ATG10: variants seen among roughly 807,000 people sequenced by gnomAD.
The protein encoded by ATG10 is ubiquitin-like-conjugating enzyme ATG10.
Under a neutral mutation model 32.1 loss-of-function variants are expected in ATG10, and 30 were observed. That is an observed-to-expected ratio of 0.94 (90% CI 0.70 to 1.27). The LOEUF is 1.27. ATG10 is among the 50% of genes most tolerant of loss of function. ATG10 has a pLI of 0.00. For synonymous variants in ATG10, 87 were observed against 91.5 expected, an observed-to-expected ratio of 0.95 and a Z score of 0.28; for missense variants, 233 against 262.3, an observed-to-expected ratio of 0.89 and a Z score of 0.77.
chr5:82,103,308 A>G (rs1440349266), intron 3 of ATG10, among the ~76,000 whole-genome samples: 1 of 152,194 alleles, frequency 6.6e-6, no homozygotes, highest in Non-Finnish European at 1.5e-5. Context: ...ATACACATTG[A>G]TCAAAAATTG....
At chr5:82,071,734 TA>T (rs779226556) in intron 3 of ATG10, among the ~76,000 whole-genome samples, 10 of 152,232 alleles carry the variant, frequency 6.6e-5, no homozygotes, top group Non-Finnish European at 1.2e-4. Flanking sequence ...GTTGTGACTT[TA>T]GATTGGGCTG....
intron 5 of ATG10, among the ~76,000 whole-genome samples, chr5:82,206,467 GA>G (rs1362917635): frequency 3.9e-5 from 6 of 151,988 alleles, no homozygotes; most frequent in Non-Finnish European, 8.8e-5. Flanking sequence ...CTAACACGGT[GA>G]AACCCCGTCT....
At chr5:82,168,142 CT>C (rs775879592) in intron 4 of ATG10, among the ~76,000 whole-genome samples, 4 of 151,970 alleles carry the variant, frequency 2.6e-5, no homozygotes, top group Non-Finnish European at 4.4e-5. Context: ...ATGCCAAAGC[CT>C]TCTATCCATT....
intron 3 of ATG10, among the ~76,000 whole-genome samples, chr5:82,097,366 C>A (rs1020674571): frequency 2.0e-5 from 3 of 152,074 alleles, no homozygotes; most frequent in Non-Finnish European, 4.4e-5. Flanking sequence ...TTAATAAATT[C>A]TTTTCACAAT....
At chr5:82,008,770 A>C (rs1762050778) in intron 2 of ATG10, among the ~76,000 whole-genome samples, 1 of 152,204 alleles carries the variant, frequency 6.6e-6, no homozygotes, top group South Asian at 2.1e-4. Context: ...GCTGTCTCCC[A>C]AAAACAGACT....
intron 5 of ATG10, among the ~76,000 whole-genome samples, chr5:82,189,578 A>G (rs1454948556): frequency 6.6e-6 from 1 of 152,160 alleles, no homozygotes; most frequent in East Asian, 1.9e-4. Flanking sequence ...AATTCAGCCT[A>G]CAGATGCTAT....
chr5:82,047,959 G>T (rs111446324), intron 2 of ATG10, among the ~76,000 whole-genome samples: 1 of 151,266 alleles, frequency 6.6e-6, no homozygotes, highest in Non-Finnish European at 1.5e-5. Flanking sequence ...TCCCAGCACC[G>T]TTTATTAAAT....
intron 2 of ATG10, among the ~76,000 whole-genome samples, chr5:82,055,498 T>C (rs895071826): frequency 6.6e-6 from 1 of 152,164 alleles, no homozygotes; most frequent in Non-Finnish European, 1.5e-5. Context: ...TTTTGCATTG[T>C]TATTAGAATT....
At chr5:82,176,172 A>G (rs1328847492) in intron 4 of ATG10, among the ~76,000 whole-genome samples, 1 of 152,226 alleles carries the variant, frequency 6.6e-6, no homozygotes, top group Non-Finnish European at 1.5e-5. Context: ...CTTTATGGTA[A>G]TAGAAATAAA....
intron 2 of ATG10, among the ~76,000 whole-genome samples, chr5:82,053,424 T>A (rs953225866): frequency 3.3e-5 from 5 of 151,074 alleles, no homozygotes; most frequent in African/African-American, 4.9e-5. Flanking sequence ...CTACAAATGC[T>A]TTTTCACATT....
intron 3 of ATG10, among the ~76,000 whole-genome samples, chr5:82,139,336 C>T (rs541901449): frequency 2.7e-5 from 4 of 150,088 alleles, no homozygotes; most frequent in Admixed American, 2.6e-4. Context: ...CTCTGCCTGG[C>T]TGCCCAGTCT....
Position 82,113,397 on chromosome 5 carries a change from AATAGAG to A in ATG10, c.217-50998_217-50993del, listed in dbSNP as rs903815649. Among the ~76,000 whole-genome samples, 8 of 152,110 alleles carry A rather than the reference AATAGAG, an allele frequency of 5.3e-5. No individual in the cohort carries two copies. In the South Asian group the frequency reaches 6.2e-4, roughly 12 times the overall value. On this transcript the variant is annotated intron_variant, in intron 3 of 7. Coordinates refer to ENST00000282185, the MANE Select transcript of ATG10 (RefSeq NM_031482.5). ...TTTAAAATAGCTTAATGTAAACTAT[AATAGAG>A]ATAAAGTATTATTATATAAAAAGTC...
intron 4 of ATG10, among the ~76,000 whole-genome samples, chr5:82,175,921 T>C (rs1744002471): frequency 6.6e-6 from 1 of 151,734 alleles, no homozygotes; most frequent in Non-Finnish European, 1.5e-5. Flanking sequence ...CAAGGCATAA[T>C]GTAACCTCCA....
intron 2 of ATG10, among the ~76,000 whole-genome samples, chr5:82,052,962 C>T (rs1322407241): frequency 6.6e-6 from 1 of 152,098 alleles, no homozygotes; most frequent in Non-Finnish European, 1.5e-5. Flanking sequence ...ATTTTATTTA[C>T]TACATATGTG....
At chr5:81,982,570 T>C (rs1430257518) in intron 1 of ATG10, among the ~76,000 whole-genome samples, 1 of 151,954 alleles carries the variant, frequency 6.6e-6, no homozygotes. Context: ...CTTTTATTTA[T>C]TTATTTATTT....
intron 5 of ATG10, among the ~76,000 whole-genome samples, chr5:82,192,547 T>C (rs1240148258): frequency 6.6e-6 from 1 of 152,140 alleles, no homozygotes; most frequent in Non-Finnish European, 1.5e-5. Context: ...CCGAGGACAG[T>C]TATTAGGCGT....
At chr5:82,251,583 C>T (rs1201045232) in intron 5 of ATG10, among the ~76,000 whole-genome samples, 1 of 152,212 alleles carries the variant, frequency 6.6e-6, no homozygotes, top group African/African-American at 2.4e-5. Context: ...TCGGCAGTTT[C>T]TCACGGGCCC....
At chr5:82,140,451 A>T (rs867967709) in intron 3 of ATG10, among the ~76,000 whole-genome samples, 1 of 2,860 alleles carries the variant, frequency 3.5e-4, no homozygotes, top group African/African-American at 6.4e-4. Context: ...CCGGCCAGCC[A>T]CCCCGTCCGG....
chr5:82,248,598 C>T (rs1747124928), intron 5 of ATG10, among the ~76,000 whole-genome samples: 1 of 152,088 alleles, frequency 6.6e-6, no homozygotes, highest in Non-Finnish European at 1.5e-5. Context: ...TTCCAGGACC[C>T]AAAAATGGTT....
Sources: allele counts gnomAD v4.1 joint callset (sites outside exome capture counted in the v4.1 genomes callset), GRCh38; gene constraint gnomAD v4.1.1; transcripts MANE v1.5; gene names NCBI Gene and HGNC (gene_info 2026-07-23, HGNC 2026-07-21).